Variants in ASTN1 observed in about 807,000 individuals in gnomAD.
ASTN1 encodes the protein astrotactin 1, also known as astrotactin-1.
A neutral mutation model predicts 140.7 loss-of-function variants in ASTN1; 41 were observed. The ratio of observed to expected loss-of-function variants is 0.29; its 90% confidence interval spans 0.23 to 0.38. ASTN1 has a LOEUF of 0.38. Ranked by LOEUF, ASTN1 falls within the 10% of genes least tolerant of loss-of-function variation. The pLI is 1.00. For synonymous variants in ASTN1, 640 were observed against 652.2 expected (o/e 0.98, Z 0.29); for missense variants, 1,479 against 1,678.8 (o/e 0.88, Z 2.08).
intron 2 of ASTN1, among the ~76,000 whole-genome samples, chr1:177,038,318 A>G (rs1242676944): frequency 2.0e-5 from 3 of 152,116 alleles, no homozygotes; most frequent in Non-Finnish European, 4.4e-5. Context: ...TGTCTATCTC[A>G]TTTGCTAGAC....
chr1:176,889,467 CAAAAGAA>C lies in ASTN1; in HGVS notation c.2941-1270_2941-1264del, dbSNP rs560269061. Among the ~76,000 whole-genome samples, 979 of 151,530 alleles carry C rather than the reference CAAAAGAA, an allele frequency of 6.5e-3. 8 individuals carry two copies. The highest frequency in any genetic ancestry group is 0.022 in the African/African-American group (891 of 41,288). On this transcript the variant is annotated intron_variant, in intron 17 of 22. Transcript: ENST00000361833. ...CTTGAAAATTTTAGACCAAAGAATT[CAAAAGAA>C]AAAAGAAAAAAGAAAAGAAAAAGAG...
Position 176,861,965 on chromosome 1 carries a change from C to T in ASTN1, c.*2319G>A, listed in dbSNP as rs146976586. ...CTGGCCTGTCAACTCCCACATCATCCACTTCTGGGCAGGAAGGCATCGGCA... is the reference window on the plus strand; with the variant it reads ...CTGGCCTGTCAACTCCCACATCATCTACTTCTGGGCAGGAAGGCATCGGCA... On this transcript the variant is annotated 3_prime_UTR_variant, in exon 23 of 23. Coordinates refer to ENST00000361833, the MANE Select transcript of ASTN1 (RefSeq NM_004319.3). 22 of 985,592 alleles carry T rather than the reference C, an allele frequency of 2.2e-5. No homozygotes were observed. In the African/African-American group the frequency reaches 3.8e-4, roughly 17 times the overall value. The allele number at this position is 985,592 out of a possible 1,614,324, so 61.1% of individuals were successfully genotyped here.
chr1:176,890,179 A>G (rs1295677678), intron 17 of ASTN1, among the ~76,000 whole-genome samples: 1 of 152,242 alleles, frequency 6.6e-6, no homozygotes, highest in Non-Finnish European at 1.5e-5. Context: ...CAAAGTTACA[A>G]TAACCAAATC....
At chr1:176,947,345 C>A (rs564617453) in intron 12 of ASTN1, among the ~76,000 whole-genome samples, 1 of 152,334 alleles carries the variant, frequency 6.6e-6, no homozygotes, top group East Asian at 1.9e-4. Context: ...CATGTTCATG[C>A]ACCTTTAACT....
intron 12 of ASTN1, among the ~76,000 whole-genome samples, chr1:176,948,098 TC>T (rs1672029803): frequency 6.6e-6 from 1 of 152,228 alleles, no homozygotes; most frequent in African/African-American, 2.4e-5. Flanking sequence ...ACATGATTAT[TC>T]AGCAGGCACT....
At chr1:176,922,066 G>A (rs566571827) in intron 16 of ASTN1, among the ~76,000 whole-genome samples, 4 of 152,224 alleles carry the variant, frequency 2.6e-5, no homozygotes, top group South Asian at 2.1e-4. Flanking sequence ...ACATGGCCCC[G>A]ACCTTTCAAC....
Position 176,886,773 on chromosome 1 carries a change from C to T in ASTN1, c.3074+1298G>A, listed in dbSNP as rs139934855. 5.6e-3 allele frequency among the ~76,000 whole-genome samples: 855 copies of T among 152,308 alleles called. 8 individuals are homozygous for T. Among genetic ancestry groups the T allele is most frequent in the African/African-American group, 0.019 (807 of 41,564 alleles). On this transcript the variant is annotated intron_variant, in intron 18 of 22. Coordinates refer to ENST00000361833, the MANE Select transcript of ASTN1 (RefSeq NM_004319.3). The stretch of plus-strand genomic sequence containing the variant: ...GCCTCTCAATTGCTGCTTTCCTAAG[C>T]GGTCTGTTGCTCCTGCCTACTCAGC...
At chr1:176,959,562 G>A (rs1390438452) in intron 9 of ASTN1, among the ~76,000 whole-genome samples, 1 of 152,068 alleles carries the variant, frequency 6.6e-6, no homozygotes, top group Non-Finnish European at 1.5e-5. Context: ...TGGCCACAGA[G>A]CAGACCCATT....
downstream of ASTN1, chr1:176,857,695 G>A (rs1349847884): frequency 9.3e-6 from 5 of 539,476 alleles, no homozygotes; most frequent in East Asian, 1.7e-4. Context: ...GTTTATAAGA[G>A]TCAGCACTAT....
chr1:177,035,133 C>T (rs1422664677), intron 2 of ASTN1, among the ~76,000 whole-genome samples: 1 of 152,176 alleles, frequency 6.6e-6, no homozygotes, highest in African/African-American at 2.4e-5. Context: ...AACTCAATTC[C>T]CCATTTTACA....
rs201773141 is a variant in ASTN1 at position 177,032,513 on chromosome 1, G to C, written c.808C>G (p.Arg270Gly). ...CAGCCCTGCAGGGAGTCGAGGGTGCGCGTGACCTGGCTGGCAAAGTCCTCC... is the reference window on the plus strand; with the variant it reads ...CAGCCCTGCAGGGAGTCGAGGGTGCCCGTGACCTGGCTGGCAAAGTCCTCC... ...GGEDFASQVT[R>G]TLDSLQGCNE... is the part of the protein sequence containing the mutation. The change falls in exon 3 of 23, where the codon CGC (arginine) becomes GGC (glycine). Residue 270 changes from arginine (R) to glycine (G), a missense_variant. Transcript: ENST00000361833. The C allele has an allele frequency of 3.7e-6, 6 of 1,613,946 alleles. No individual in the cohort carries two copies. The highest frequency in any genetic ancestry group is 5.1e-6 in the Non-Finnish European group (6 of 1,180,032).
chr1:177,149,318 A>AGTATATATATAGTAAATATATATATG (rs1682892123), intron 1 of ASTN1, among the ~76,000 whole-genome samples: 1 of 86,112 alleles, frequency 1.2e-5, no homozygotes, highest in Non-Finnish European at 1.9e-5. Context: ...ATATATATAT[A>AGTATATATATAGTAAATATATATATG]GTATATATAT....
chr1:176,880,584 T>G (rs1668754468), intron 20 of ASTN1, among the ~76,000 whole-genome samples: 1 of 152,212 alleles, frequency 6.6e-6, no homozygotes, highest in African/African-American at 2.4e-5. Context: ...CTTCGCTGTT[T>G]TTGGGCCATG....
intron 19 of ASTN1, among the ~76,000 whole-genome samples, chr1:176,883,799 G>A (rs1391353681): frequency 6.6e-6 from 1 of 152,144 alleles, no homozygotes; most frequent in African/African-American, 2.4e-5. Flanking sequence ...GAAATACTAA[G>A]GCAAGGAACA....
chr1:177,097,753 C>T (rs910258182), intron 1 of ASTN1, among the ~76,000 whole-genome samples: 2 of 152,116 alleles, frequency 1.3e-5, no homozygotes, highest in African/African-American at 4.8e-5. Context: ...CCTTCAGCCC[C>T]ACCCCAGACC....
At chr1:177,122,795 G>C (rs1391167463) in intron 1 of ASTN1, among the ~76,000 whole-genome samples, 1 of 152,134 alleles carries the variant, frequency 6.6e-6, no homozygotes, top group African/African-American at 2.4e-5. Context: ...AAGAACTGGA[G>C]GCAGAAACAC....
At chr1:177,111,052 C>T (rs190854959) in intron 1 of ASTN1, among the ~76,000 whole-genome samples, 2 of 152,274 alleles carry the variant, frequency 1.3e-5, no homozygotes, top group Non-Finnish European at 2.9e-5. Flanking sequence ...TAAAAGCTAG[C>T]CTCTTGGGGA....
chr1:176,890,967 C>T (rs1428362285), intron 17 of ASTN1, among the ~76,000 whole-genome samples: 1 of 151,896 alleles, frequency 6.6e-6, no homozygotes, highest in African/African-American at 2.4e-5. Flanking sequence ...GCAGAGGTTG[C>T]AGTGAGCTGA....
chr1:177,107,778 G>T (rs1215843924), intron 1 of ASTN1, among the ~76,000 whole-genome samples: 1 of 152,094 alleles, frequency 6.6e-6, no homozygotes, highest in Non-Finnish European at 1.5e-5. Context: ...CTGAACTTCT[G>T]TAATGATCCC....
Sources: gnomAD v4.1 joint callset for allele counts (sites outside exome capture counted in the v4.1 genomes callset) on GRCh38, gnomAD v4.1.1 for gene constraint, MANE v1.5 for transcripts, NCBI Gene and HGNC (gene_info 2026-07-23, HGNC 2026-07-21) for gene names.